The following AFF2 variants were observed in gnomAD, a reference collection of about 807,000 sequenced individuals.
AFF2 encodes ALF transcription elongation factor 2.
In AFF2, 14 loss-of-function variants were observed where a neutral mutation model predicts 76.9. That is an observed-to-expected ratio of 0.18 (90% confidence interval 0.12 to 0.28). AFF2 has a LOEUF of 0.28. AFF2 is among the 10% of genes least tolerant of loss of function. The probability of loss-of-function intolerance (pLI) is 1.00; values close to 1 mark genes in which losing one functional copy is unlikely to be tolerated. For synonymous variants in AFF2, 398 were observed against 366.7 expected (o/e 1.09, Z -0.98); for missense variants, 868 against 1,001.1 (o/e 0.87, Z 1.79).
chrX:148,810,586 T>C (rs782701943), intron 4 of AFF2, among the ~76,000 whole-genome samples: 2 of 112,260 alleles, frequency 1.8e-5, no homozygotes, highest in South Asian at 3.7e-4. Flanking sequence ...ATAGGAGTCA[T>C]GGTAATGAGC....
At chrX:148,708,811 T>A (rs1277963273) in intron 3 of AFF2, among the ~76,000 whole-genome samples, 1 of 112,701 alleles carries the variant, frequency 8.9e-6, no homozygotes, top group Non-Finnish European at 1.9e-5. Context: ...GATATGCCTA[T>A]AGATTTTTGG....
chrX:148,501,104 C>T lies in AFF2; in HGVS notation c.7C>T (p.Leu3=). 2 of 1,210,782 alleles carry T rather than the reference C, an allele frequency of 1.7e-6. No individual in the cohort carries two copies. Among genetic ancestry groups the T allele is most frequent in the South Asian group, 1.8e-5 (1 of 56,948 alleles). The change falls in exon 1 of 21, where the codon CTA becomes TTA. Residue 3 remains leucine, a synonymous_variant. Coordinates refer to ENST00000370460, the MANE Select transcript of AFF2 (RefSeq NM_002025.4). ...CCGCCGCCGCCTGGCCGCTATGGATCTATTCGACTTTTTCAGAGACTGGGA... is the reference window on the plus strand; with the variant it reads ...CCGCCGCCGCCTGGCCGCTATGGATTTATTCGACTTTTTCAGAGACTGGGA... MD[L]FDFFRDWDLE... is the part of the protein sequence containing the mutation.
At chrX:148,646,822 A>G (rs782264728) in intron 1 of AFF2, among the ~76,000 whole-genome samples, 3 of 111,623 alleles carry the variant, frequency 2.7e-5, no homozygotes, top group African/African-American at 9.8e-5. Flanking sequence ...AAGGCCACTT[A>G]CCTTCTATTC....
intron 9 of AFF2, 35 bp downstream of exon 9, chrX:148,904,293 T>G (rs367824385): frequency 2.3e-6 from 2 of 874,009 alleles, no homozygotes; most frequent in African/African-American, 3.9e-5. Flanking sequence ...CAAATGTTAA[T>G]TTTAACGGAC....
chrX:148,965,260 G>A (rs781808394), intron 13 of AFF2, among the ~76,000 whole-genome samples: 4 of 112,229 alleles, frequency 3.6e-5, no homozygotes, highest in South Asian at 7.5e-4. Context: ...GGACAAATTC[G>A]AGAGATGTTG....
chrX:148,680,981 T>C (rs1557259882), intron 3 of AFF2, among the ~76,000 whole-genome samples: 1 of 111,779 alleles, frequency 8.9e-6, no homozygotes, highest in Non-Finnish European at 1.9e-5. Context: ...TGCAATTGCT[T>C]AGGCTTCCTG....
At chrX:148,947,883 A>G (rs1343328946) in intron 9 of AFF2, among the ~76,000 whole-genome samples, 1 of 112,784 alleles carries the variant, frequency 8.9e-6, no homozygotes. Context: ...AGTCAAGCTG[A>G]TGAAATTCAT....
intron 1 of AFF2, among the ~76,000 whole-genome samples, chrX:148,588,451 G>T (rs1282336528): frequency 2.7e-5 from 3 of 112,434 alleles, no homozygotes; most frequent in African/African-American, 6.5e-5. Context: ...GCAGAGACGG[G>T]ACTGATTCAT....
intron 7 of AFF2, among the ~76,000 whole-genome samples, chrX:148,884,839 G>A (rs1254871807): frequency 8.9e-6 from 1 of 111,954 alleles, no homozygotes; most frequent in African/African-American, 3.2e-5. Flanking sequence ...CTTTTGTACA[G>A]AAAGTGGGAT....
At chrX:148,867,524 C>CCCAT in intron 7 of AFF2, among the ~76,000 whole-genome samples, 1 of 112,418 alleles carries the variant, frequency 8.9e-6, no homozygotes, top group Admixed American at 9.4e-5. Flanking sequence ...CAGAATAAAG[C>CCCAT]CCATCCTTAG....
At chrX:148,743,591 T>C (rs1003573822) in intron 3 of AFF2, among the ~76,000 whole-genome samples, 1 of 111,145 alleles carries the variant, frequency 9.0e-6, no homozygotes, top group Non-Finnish European at 1.9e-5. Context: ...TGAGTGCACT[T>C]GATTTATTTC....
intron 1 of AFF2, among the ~76,000 whole-genome samples, chrX:148,553,161 A>G (rs1355139284): frequency 2.7e-5 from 3 of 112,153 alleles, no homozygotes; most frequent in African/African-American, 6.5e-5. Flanking sequence ...ACAATAAAAT[A>G]TACGGGTATT....
chrX:148,859,635 G>A (rs1249166036), intron 7 of AFF2, among the ~76,000 whole-genome samples: 1 of 110,428 alleles, frequency 9.1e-6, no homozygotes, highest in African/African-American at 3.3e-5. Context: ...AAGTTTTTAT[G>A]AAGAATAAAA....
chrX:148,553,561 C>T (rs907164410), intron 1 of AFF2, among the ~76,000 whole-genome samples: 7 of 111,511 alleles, frequency 6.3e-5, no homozygotes, highest in Non-Finnish European at 1.3e-4. Context: ...ATAAAGTGCT[C>T]AGGCTGTGAA....
At chrX:148,554,712 G>A (rs1403045569) in intron 1 of AFF2, among the ~76,000 whole-genome samples, 1 of 112,611 alleles carries the variant, frequency 8.9e-6, no homozygotes, top group Non-Finnish European at 1.9e-5. Flanking sequence ...AGATTAGGGA[G>A]CATGCTATCC....
At chrX:148,977,120 T>C (rs781821522) in intron 16 of AFF2, among the ~76,000 whole-genome samples, 1 of 112,191 alleles carries the variant, frequency 8.9e-6, no homozygotes, top group South Asian at 3.7e-4. Context: ...CTGAACTCCA[T>C]TACTTATTCT....
chrX:148,877,427 A>G (rs1271584196), intron 7 of AFF2, among the ~76,000 whole-genome samples: 2 of 112,405 alleles, frequency 1.8e-5, no homozygotes, highest in Non-Finnish European at 3.8e-5. Flanking sequence ...CAGAGTGTGG[A>G]GAGTGATTTT....
intron 3 of AFF2, among the ~76,000 whole-genome samples, chrX:148,798,141 A>C (rs1272638076): frequency 1.8e-5 from 2 of 111,854 alleles, no homozygotes; most frequent in Non-Finnish European, 3.8e-5. Flanking sequence ...ATCACATGGA[A>C]GAAGTTGGAG....
intron 1 of AFF2, among the ~76,000 whole-genome samples, chrX:148,525,789 A>T (rs1171354785): frequency 8.9e-6 from 1 of 112,147 alleles, no homozygotes; most frequent in African/African-American, 3.2e-5. Flanking sequence ...TATTTTGGAG[A>T]TGGAAAACAA....
Sources: gnomAD v4.1 joint callset for allele counts (sites outside exome capture counted in the v4.1 genomes callset) on GRCh38, gnomAD v4.1.1 for gene constraint, MANE v1.5 for transcripts, NCBI Gene and HGNC (gene_info 2026-07-23, HGNC 2026-07-21) for gene names.